The following CNTNAP2 variants were observed in gnomAD, a reference collection of about 807,000 sequenced individuals.
CNTNAP2 encodes contactin associated protein 2.
CNTNAP2 carries 98 observed loss-of-function variants against 155.2 expected under a neutral mutation model. The ratio of observed to expected loss-of-function variants is 0.63; its 90% CI spans 0.54 to 0.75. The LOEUF (loss-of-function observed/expected upper bound fraction) is 0.75. CNTNAP2 is among the 30% of genes least tolerant of loss of function. The probability of loss-of-function intolerance (pLI) is 0.00; values close to 1 mark genes in which losing one functional copy is unlikely to be tolerated. For missense variants in CNTNAP2, 1,727 were observed against 1,688.1 expected (o/e 1.02, Z -0.40); for synonymous variants, 651 against 631.2 (o/e 1.03, Z -0.47).
At chr7:146,591,753 T>C (rs908909238) in intron 1 of CNTNAP2, among the ~76,000 whole-genome samples, 1 of 151,306 alleles carries the variant, frequency 6.6e-6, no homozygotes, top group African/African-American at 2.5e-5. Flanking sequence ...TTGTGGGTGA[T>C]GTCCACTACT....
chr7:147,205,175 C>T lies in CNTNAP2; in HGVS notation c.1348+72666C>T, dbSNP rs141141325. ...ATAGTGATAGTCTGATATTTTAGTT[C>T]TCCCATCACCAGAGTAGTGTACATC... On this transcript the variant is annotated intron_variant, in intron 8 of 23. Coordinates refer to ENST00000361727, the MANE Select transcript of CNTNAP2 (RefSeq NM_014141.6). 9.8e-3 allele frequency among the ~76,000 whole-genome samples: 1,484 copies of T among 152,088 alleles called. 38 individuals are homozygous for T. The highest frequency in any genetic ancestry group is 0.069 in the Admixed American group (1,045 of 15,250).
At chr7:148,331,541 A>G (rs1278914325) in intron 21 of CNTNAP2, among the ~76,000 whole-genome samples, 1 of 126,674 alleles carries the variant, frequency 7.9e-6, no homozygotes, top group Non-Finnish European at 1.5e-5. Flanking sequence ...GGACGGATGG[A>G]GTGGATGGAT....
chr7:147,071,616 T>G (rs564471040), intron 4 of CNTNAP2, among the ~76,000 whole-genome samples: 7 of 152,170 alleles, frequency 4.6e-5, no homozygotes, highest in Non-Finnish European at 1.0e-4. Flanking sequence ...TTAACAGATA[T>G]TCCCTGGCCA....
intron 10 of CNTNAP2, among the ~76,000 whole-genome samples, chr7:147,480,039 G>A (rs780953120): frequency 9.2e-5 from 14 of 152,032 alleles, no homozygotes; most frequent in Non-Finnish European, 1.9e-4. Flanking sequence ...AGAAATAAAA[G>A]TACTCAAATA....
intron 9 of CNTNAP2, among the ~76,000 whole-genome samples, chr7:147,365,220 A>G (rs1462378274): frequency 6.6e-6 from 1 of 152,006 alleles, no homozygotes; most frequent in South Asian, 2.1e-4. Flanking sequence ...CCTGGCCAAC[A>G]TGGTGAAACC....
intron 1 of CNTNAP2, among the ~76,000 whole-genome samples, chr7:146,441,270 G>A (rs991571133): frequency 3.3e-5 from 5 of 151,464 alleles, no homozygotes; most frequent in South Asian, 2.1e-4. Flanking sequence ...TCTTTCTTAA[G>A]CCCTATTCTT....
At chr7:147,634,565 A>C (rs2116915718) in intron 12 of CNTNAP2, among the ~76,000 whole-genome samples, 1 of 152,250 alleles carries the variant, frequency 6.6e-6, no homozygotes, top group East Asian at 1.9e-4. Context: ...TATGTAACCA[A>C]AAACCACCTG....
intron 16 of CNTNAP2, among the ~76,000 whole-genome samples, chr7:148,138,656 A>C (rs547736839): frequency 3.2e-3 from 487 of 152,254 alleles, no homozygotes; most frequent in Admixed American, 9.1e-3. Flanking sequence ...GTTTCTCTAA[A>C]GCAGCTTCTG....
intron 11 of CNTNAP2, among the ~76,000 whole-genome samples, chr7:147,517,701 G>A (rs1192052573): frequency 6.6e-6 from 1 of 152,128 alleles, no homozygotes; most frequent in Non-Finnish European, 1.5e-5. Context: ...GCATTATTTG[G>A]CATTGGTTGT....
At chr7:146,525,669 G>GTGACA (rs1314819677) in intron 1 of CNTNAP2, among the ~76,000 whole-genome samples, 3 of 152,050 alleles carry the variant, frequency 2.0e-5, no homozygotes, top group African/African-American at 7.2e-5. Flanking sequence ...ATGTGCTTCA[G>GTGACA]TGACACTGTT....
chr7:146,897,149 G>T (rs1031350141), intron 3 of CNTNAP2, among the ~76,000 whole-genome samples: 9 of 152,030 alleles, frequency 5.9e-5, no homozygotes, highest in African/African-American at 2.2e-4. Context: ...CCCCACAGAG[G>T]TGTAACATAA....
chr7:147,581,683 G>C (rs2116827499), intron 12 of CNTNAP2, among the ~76,000 whole-genome samples: 1 of 152,222 alleles, frequency 6.6e-6, no homozygotes, highest in Non-Finnish European at 1.5e-5. Context: ...ATCCAAATCT[G>C]GTGATTAGTC....
Position 147,271,549 on chromosome 7 carries a change from A to G in CNTNAP2, c.1349-28592A>G, listed in dbSNP as rs150251261. Among the ~76,000 whole-genome samples the G allele has an allele frequency of 3.9e-5, 6 of 152,288 alleles. No homozygotes were observed. In the East Asian group the frequency reaches 1.2e-3, roughly 29 times the overall value. On this transcript the variant is annotated intron_variant, in intron 8 of 23. Transcript: ENST00000361727. The stretch of plus-strand genomic sequence containing the variant: ...AAACGTACCTGAGACTGGGTAATTT[A>G]TAAAGAAAAAGAGGCTTAATGGACT...
At chr7:146,320,921 A>T (rs1584867800) in intron 1 of CNTNAP2, among the ~76,000 whole-genome samples, 1 of 151,400 alleles carries the variant, frequency 6.6e-6, no homozygotes, top group Non-Finnish European at 1.5e-5. Context: ...TAAATAAAAG[A>T]TATAATATCT....
At chr7:148,391,326 A>C (rs143640641) in intron 22 of CNTNAP2, among the ~76,000 whole-genome samples, 258 of 146,858 alleles carry the variant, frequency 1.8e-3, no homozygotes, top group African/African-American at 6.4e-3. Flanking sequence ...GGAGTTTGGG[A>C]AACACTGGGC....
At chr7:146,694,975 T>C (rs2109280) in intron 1 of CNTNAP2, among the ~76,000 whole-genome samples, 126,287 of 152,168 alleles carry the variant, frequency 0.83, 53,132 homozygotes, top group South Asian at 0.93. Flanking sequence ...TAATTGTTCC[T>C]GGAACTTCTT....
chr7:147,112,332 T>C (rs1315546521), intron 5 of CNTNAP2, among the ~76,000 whole-genome samples: 1 of 152,202 alleles, frequency 6.6e-6, no homozygotes, highest in African/African-American at 2.4e-5. Flanking sequence ...ATAATTTGAC[T>C]TCCTTTCTTC....
chr7:146,544,776 A>G (rs563935846), intron 1 of CNTNAP2, among the ~76,000 whole-genome samples: 1 of 152,016 alleles, frequency 6.6e-6, no homozygotes, highest in East Asian at 1.9e-4. Context: ...TAGTAGACCA[A>G]TAGTGAAAAT....
At chr7:148,219,462 G>T (rs1450858785) in intron 19 of CNTNAP2, among the ~76,000 whole-genome samples, 1 of 152,196 alleles carries the variant, frequency 6.6e-6, no homozygotes, top group Admixed American at 6.5e-5. Context: ...GGAAGGCTGA[G>T]GCAGGAGGAT....
Sources: gnomAD v4.1 joint callset for allele counts (sites outside exome capture counted in the v4.1 genomes callset) on GRCh38, gnomAD v4.1.1 for gene constraint, MANE v1.5 for transcripts, NCBI Gene and HGNC (gene_info 2026-07-23, HGNC 2026-07-21) for gene names.